The following APPL2 variants were observed in gnomAD, a reference collection of about 807,000 sequenced individuals.
APPL2 encodes DCC-interacting protein 13-beta.
APPL2 carries 84 observed loss-of-function variants against 92.7 expected under a neutral mutation model. That is an observed-to-expected ratio of 0.91 (90% CI 0.76 to 1.09). APPL2 has a LOEUF of 1.09. APPL2 is among the 50% of genes least tolerant of loss of function. The pLI, the probability that APPL2 is intolerant of heterozygous loss-of-function variation, is 0.00. For synonymous variants in APPL2, 291 were observed against 291.0 expected, an observed-to-expected ratio of 1.00 and a Z score of 0.00; for missense variants, 736 against 824.5, an observed-to-expected ratio of 0.89 and a Z score of 1.31.
chr12:105,225,542 A>G (rs1182694102), intron 2 of APPL2, among the ~76,000 whole-genome samples: 1 of 152,256 alleles, frequency 6.6e-6, no homozygotes, highest in Non-Finnish European at 1.5e-5. Flanking sequence ...ATATGCATCT[A>G]TTTAGACATA....
chr12:105,217,449 T>C (rs770373395), intron 3 of APPL2, among the ~76,000 whole-genome samples: 28 of 152,224 alleles, frequency 1.8e-4, no homozygotes, highest in Non-Finnish European at 3.4e-4. Context: ...GAACCCTCAA[T>C]GGCAGTTAAT....
intron 8 of APPL2, 88 bp from the exon 9 acceptor site, chr12:105,203,873 G>T: frequency 8.4e-7 from 1 of 1,183,626 alleles, no homozygotes; most frequent in Non-Finnish European, 1.2e-6. Flanking sequence ...CGTGAGGGCA[G>T]CCATCACAGC....
At chr12:105,198,577 T>C (rs936754988) in intron 10 of APPL2, among the ~76,000 whole-genome samples, 2 of 152,230 alleles carry the variant, frequency 1.3e-5, no homozygotes, top group Non-Finnish European at 1.5e-5. Flanking sequence ...TTCCTCTCCA[T>C]GGACCCTCCA....
chr12:105,189,925 A>AG, intron 15 of APPL2, 66 bp downstream of exon 15: 4 of 1,610,830 alleles, frequency 2.5e-6, no homozygotes, highest in Non-Finnish European at 3.4e-6. Flanking sequence ...TTGGTGGTGG[A>AG]GGGGGACACA....
At position 105,195,429 on chromosome 12, in the gene APPL2, G is replaced by T; in HGVS notation, c.1152+16C>A. ...AGGTTGAGAAAAGGGCTGAGATGCC[G>T]GTGGCTGATAATTACCTCAGGGTTG... On this transcript the variant is annotated intron_variant, in intron 13 of 20. Transcript: ENST00000258530. 8 of 1,614,120 alleles carry T rather than the reference G, an allele frequency of 5.0e-6. No homozygotes were observed. The highest frequency in any genetic ancestry group is 6.8e-6 in the Non-Finnish European group (8 of 1,180,012).
At position 105,174,015 on chromosome 12, in the gene APPL2, G is replaced by T. The variant is rs911782220; in HGVS notation, c.*299C>A. ...AACTGAAAAGAGATGACATTCATATGAACAATGCATTTTTCAAACTTTTGT... is the reference window on the plus strand; with the variant it reads ...AACTGAAAAGAGATGACATTCATATTAACAATGCATTTTTCAAACTTTTGT... On this transcript the variant is annotated 3_prime_UTR_variant, in exon 21 of 21. Transcript: ENST00000258530. 4.4e-6 allele frequency: 1 copy of T among 225,382 alleles called. No individual in the cohort carries two copies. Among genetic ancestry groups the T allele is most frequent in the South Asian group, 1.3e-4 (1 of 7,494 alleles). 14.0% of individuals were successfully genotyped at this position (225,382 alleles called of 1,614,324 possible).
At chr12:105,206,989 T>C (rs1159559878) in intron 8 of APPL2, 72 bp downstream of exon 8, 12 of 1,537,644 alleles carry the variant, frequency 7.8e-6, no homozygotes, top group Non-Finnish European at 9.6e-6. Context: ...TGCTTCAGTG[T>C]CTCCTGCGTG....
At chr12:105,178,499 G>A (rs1325235086) in intron 17 of APPL2, among the ~76,000 whole-genome samples, 1 of 152,132 alleles carries the variant, frequency 6.6e-6, no homozygotes, top group Non-Finnish European at 1.5e-5. Context: ...CCACTGAATT[G>A]TACATTTAAA....
At chr12:105,182,321 G>A (rs1455816310) in intron 17 of APPL2, among the ~76,000 whole-genome samples, 1 of 152,210 alleles carries the variant, frequency 6.6e-6, no homozygotes, top group South Asian at 2.1e-4. Context: ...GAGCCATGGT[G>A]CCCAACCTTC....
chr12:105,183,070 CTTTTTTTTTT>C (rs56345779), intron 17 of APPL2, among the ~76,000 whole-genome samples: 2 of 88,398 alleles, frequency 2.3e-5, no homozygotes, highest in African/African-American at 4.5e-5. Flanking sequence ...GCAACCCCTG[CTTTTTTTTTT>C]TTTTTTTTTT....
At chr12:105,174,579 G>A (rs1442679712) in intron 20 of APPL2, 131 bp from the exon 21 acceptor site, 7 of 900,926 alleles carry the variant, frequency 7.8e-6, no homozygotes, top group Middle Eastern at 2.4e-4. Context: ...TGTGCCTTCC[G>A]CTGAGTCTCC....
At chr12:105,203,661 A>AAGGCAAGGGGCACACAAG (rs766010869) in intron 9 of APPL2, 42 bp downstream of exon 9, 1 of 1,586,396 alleles carries the variant, frequency 6.3e-7, no homozygotes, top group South Asian at 1.1e-5. Flanking sequence ...ATCAGCATGA[A>AAGGCAAGGGGCACACAAG]AGGCAAGGGG....
intron 2 of APPL2, among the ~76,000 whole-genome samples, chr12:105,218,638 A>G (rs533320272): frequency 6.6e-6 from 1 of 152,166 alleles, no homozygotes; most frequent in Non-Finnish European, 1.5e-5. Flanking sequence ...CTTGGAGGTG[A>G]TATCAGGCTG....
intron 17 of APPL2, among the ~76,000 whole-genome samples, chr12:105,181,018 G>T (rs369141681): frequency 2.0e-5 from 3 of 152,338 alleles, no homozygotes; most frequent in East Asian, 3.9e-4. Flanking sequence ...AGTGGTGAGA[G>T]AGGGCATCCT....
At chr12:105,214,367 C>G (rs1315142083) in intron 4 of APPL2, among the ~76,000 whole-genome samples, 1 of 152,192 alleles carries the variant, frequency 6.6e-6, no homozygotes, top group Non-Finnish European at 1.5e-5. Flanking sequence ...CTCAAGCAAA[C>G]ATGTGACTCA....
intron 2 of APPL2, among the ~76,000 whole-genome samples, chr12:105,227,524 G>A (rs1235550775): frequency 6.6e-6 from 1 of 152,148 alleles, no homozygotes; most frequent in Non-Finnish European, 1.5e-5. Context: ...CTCTTCCTGT[G>A]TTCTCCCATG....
intron 9 of APPL2, among the ~76,000 whole-genome samples, chr12:105,202,389 G>C (rs1452738837): frequency 6.6e-6 from 1 of 152,202 alleles, no homozygotes; most frequent in Non-Finnish European, 1.5e-5. Context: ...AGGATCTGCA[G>C]AAAGAGGAAA....
At chr12:105,225,752 G>A (rs973122407) in intron 2 of APPL2, among the ~76,000 whole-genome samples, 2 of 152,136 alleles carry the variant, frequency 1.3e-5, no homozygotes, top group African/African-American at 2.4e-5. Context: ...CATTCTAGAG[G>A]TTAAGACAAA....
chr12:105,211,748 T>C (rs905759937), intron 4 of APPL2, among the ~76,000 whole-genome samples: 5 of 152,140 alleles, frequency 3.3e-5, no homozygotes, highest in African/African-American at 1.2e-4. Context: ...AAGCCACGCC[T>C]GAAAGATGGG....
Sources: allele counts gnomAD v4.1 joint callset (sites outside exome capture counted in the v4.1 genomes callset), GRCh38; gene constraint gnomAD v4.1.1; transcripts MANE v1.5; gene names NCBI Gene and HGNC (gene_info 2026-07-23, HGNC 2026-07-21).